The following ERC1 variants were observed in gnomAD, a reference collection of about 807,000 sequenced individuals.
The protein encoded by ERC1 is ELKS/RAB6-interacting/CAST family member 1.
A neutral mutation model predicts 132.0 loss-of-function variants in ERC1; 56 were observed. The ratio of observed to expected loss-of-function variants is 0.42; its 90% CI spans 0.34 to 0.53. The LOEUF (loss-of-function observed/expected upper bound fraction) is 0.53, where lower values mean the gene tolerates loss of function less well. Among genes scored for constraint, ERC1 ranks in the 20% least tolerant of loss-of-function variants. The pLI is 0.03. For missense variants in ERC1, 1,202 were observed against 1,349.9 expected, an observed-to-expected ratio of 0.89 and a Z score of 1.72; for synonymous variants, 478 against 476.1, an observed-to-expected ratio of 1.00 and a Z score of -0.05.
At chr12:1,239,099 CTGTT>C (rs549021986) in intron 13 of ERC1, among the ~76,000 whole-genome samples, 1 of 152,084 alleles carries the variant, frequency 6.6e-6, no homozygotes, top group Non-Finnish European at 1.5e-5. Context: ...AAGTATATTT[CTGTT>C]TGTTTATTTA....
intron 8 of ERC1, among the ~76,000 whole-genome samples, chr12:1,179,048 T>A (rs1408859467): frequency 1.3e-5 from 2 of 152,250 alleles, no homozygotes; most frequent in African/African-American, 4.8e-5. Flanking sequence ...CCTCATAGTT[T>A]GCTTGATTTT....
intron 15 of ERC1, among the ~76,000 whole-genome samples, chr12:1,363,523 C>G (rs1175988766): frequency 1.4e-5 from 2 of 147,192 alleles, no homozygotes; most frequent in African/African-American, 2.5e-5. Flanking sequence ...TACCCATTCC[C>G]TTGTAAGTGT....
At position 1,289,857 on chromosome 12, in the gene ERC1, G is replaced by A. The variant is rs1256622906; in HGVS notation, c.2625G>A (p.Glu875=). The A allele has an allele frequency of 6.2e-7, 1 of 1,613,006 alleles. No homozygotes were observed. Among genetic ancestry groups the A allele is most frequent in the Non-Finnish European group, 8.5e-7 (1 of 1,179,158 alleles). Residue 875 remains glutamate, a synonymous_variant, in exon 15 of 19, where the codon GAG becomes GAA. Coordinates refer to ENST00000360905, the MANE Select transcript of ERC1 (RefSeq NM_178040.4). ...SARTNAEKQV[E]ELLMAMEKVK... Reference sequence around the variant, plus strand: ...CTTTCCCATATTTATGATAGGTGGAGGAGTTACTGATGGCCATGGAGAAGG... The same window carrying A: ...CTTTCCCATATTTATGATAGGTGGAAGAGTTACTGATGGCCATGGAGAAGG...
intron 2 of ERC1, among the ~76,000 whole-genome samples, chr12:1,075,695 C>T (rs542765713): frequency 6.6e-6 from 1 of 150,890 alleles, no homozygotes; most frequent in African/African-American, 2.4e-5. Flanking sequence ...CATTGCACTC[C>T]ATCTCTTGGA....
chr12:1,340,500 G>A (rs1285504352), intron 15 of ERC1, among the ~76,000 whole-genome samples: 2 of 152,246 alleles, frequency 1.3e-5, no homozygotes, highest in East Asian at 3.9e-4. Context: ...TCTTCTGCTG[G>A]AATTCCAGAG....
At chr12:1,091,469 G>A (rs1943207404) in intron 3 of ERC1, among the ~76,000 whole-genome samples, 1 of 152,148 alleles carries the variant, frequency 6.6e-6, no homozygotes, top group East Asian at 1.9e-4. Flanking sequence ...CAGGAGGGAG[G>A]CTGGAGGGCA....
At chr12:1,234,095 A>AT (rs557939098) in intron 12 of ERC1, among the ~76,000 whole-genome samples, 51 of 152,306 alleles carry the variant, frequency 3.3e-4, no homozygotes, top group Non-Finnish European at 5.7e-4. Context: ...ATATATACAC[A>AT]TTTTTTATGG....
At position 1,495,509 on chromosome 12, in the gene ERC1, A is replaced by G; in HGVS notation, c.*5279A>G. 4.4e-6 allele frequency: 1 copy of G among 229,090 alleles called. No homozygotes were observed. Among genetic ancestry groups the G allele is most frequent in the East Asian group, 6.2e-5 (1 of 16,152 alleles). 14.2% of individuals were successfully genotyped at this position (229,090 alleles called of 1,614,324 possible). A position where few individuals can be genotyped will look rare whatever the true frequency, so the allele number is the denominator to read the frequency against. On this transcript the variant is annotated 3_prime_UTR_variant, in exon 19 of 19. Transcript: ENST00000360905. ...CGCCAGTATTGCATCCATCTACTGC[A>G]GCTACACATCCTGAGGGCAGCACCA...
At chr12:1,358,154 G>A (rs1287513344) in intron 15 of ERC1, among the ~76,000 whole-genome samples, 4 of 148,182 alleles carry the variant, frequency 2.7e-5, no homozygotes, top group Non-Finnish European at 5.9e-5. Context: ...AGTGAGCTGC[G>A]ATCATGCCTG....
intron 1 of ERC1, among the ~76,000 whole-genome samples, chr12:1,010,920 C>T (rs190619950): frequency 1.2e-3 from 189 of 152,188 alleles, no homozygotes; most frequent in Admixed American, 2.2e-3. Context: ...GTTTATAATG[C>T]GTACCCATGC....
At chr12:1,440,238 T>C (rs992857341) in intron 17 of ERC1, among the ~76,000 whole-genome samples, 18 of 145,244 alleles carry the variant, frequency 1.2e-4, no homozygotes, top group African/African-American at 4.7e-4. Flanking sequence ...AGAGTCTTGC[T>C]CTGTCGCCCA....
At chr12:1,483,182 C>T (rs1565527243) in intron 18 of ERC1, among the ~76,000 whole-genome samples, 1 of 152,168 alleles carries the variant, frequency 6.6e-6, no homozygotes, top group Non-Finnish European at 1.5e-5. Flanking sequence ...CATATAGTCC[C>T]AGCTACTTGG....
At chr12:1,124,398 A>G (rs1342556724) in intron 7 of ERC1, among the ~76,000 whole-genome samples, 1 of 152,190 alleles carries the variant, frequency 6.6e-6, no homozygotes, top group Non-Finnish European at 1.5e-5. Flanking sequence ...TACTACCAAA[A>G]TGACCTGTGG....
In ERC1 at chr12:1,012,767, A is replaced by C. The variant is rs1440915125; in HGVS notation, c.-156-14981A>C. 5.3e-5 allele frequency among the ~76,000 whole-genome samples: 8 copies of C among 152,256 alleles called. No homozygotes were observed. The East Asian group carries it at 1.2e-3, about 22-fold the overall frequency. On this transcript the variant is annotated intron_variant, in intron 1 of 18. Transcript: ENST00000360905. ...CTGCTCCCGGCTGATATTTAATCTTAACCATTAATTCAGGTCTGCGTCCAA... is the reference window on the plus strand; with the variant it reads ...CTGCTCCCGGCTGATATTTAATCTTCACCATTAATTCAGGTCTGCGTCCAA...
chr12:1,260,483 A>G (rs958955029), intron 13 of ERC1, among the ~76,000 whole-genome samples: 6 of 152,218 alleles, frequency 3.9e-5, no homozygotes, highest in African/African-American at 7.2e-5. Flanking sequence ...AATATTACCT[A>G]GCAGTGCTGT....
At chr12:1,250,413 A>G (rs1413889926) in intron 13 of ERC1, among the ~76,000 whole-genome samples, 1 of 152,190 alleles carries the variant, frequency 6.6e-6, no homozygotes, top group Non-Finnish European at 1.5e-5. Flanking sequence ...TGTGTGATTT[A>G]ACCCATTTAA....
At chr12:1,393,681 CTGCT>C (rs1329577493) in intron 16 of ERC1, among the ~76,000 whole-genome samples, 5 of 146,556 alleles carry the variant, frequency 3.4e-5, no homozygotes, top group Non-Finnish European at 7.4e-5. Context: ...ATCACTTTCT[CTGCT>C]TGCTTAGCTG....
At chr12:1,368,419 G>T (rs1169631122) in intron 15 of ERC1, among the ~76,000 whole-genome samples, 1 of 152,014 alleles carries the variant, frequency 6.6e-6, no homozygotes, top group Non-Finnish European at 1.5e-5. Context: ...ATATTGAGTA[G>T]ACAGCTATTA....
At chr12:1,295,923 A>AT (rs1468195442) in intron 15 of ERC1, among the ~76,000 whole-genome samples, 1 of 152,038 alleles carries the variant, frequency 6.6e-6, no homozygotes, top group Non-Finnish European at 1.5e-5. Flanking sequence ...ATTACCAGAC[A>AT]TGCAAAGAAT....
Sources: gnomAD v4.1 joint callset for allele counts (sites outside exome capture counted in the v4.1 genomes callset) on GRCh38, gnomAD v4.1.1 for gene constraint, MANE v1.5 for transcripts, NCBI Gene and HGNC (gene_info 2026-07-23, HGNC 2026-07-21) for gene names.